Variants in FRMD4B observed in about 807,000 individuals in gnomAD.
FRMD4B encodes FERM domain containing 4B, also known as FERM domain-containing protein 4B.
In FRMD4B, 74 loss-of-function variants were observed where a neutral mutation model predicts 141.5. The observed-to-expected ratio is 0.52, with a 90% CI of 0.43 to 0.63. The LOEUF (loss-of-function observed/expected upper bound fraction) is 0.63. FRMD4B is among the 30% of genes least tolerant of loss of function. The probability of loss-of-function intolerance (pLI) is 0.00; values close to 1 mark genes in which losing one functional copy is unlikely to be tolerated. For synonymous variants in FRMD4B, 506 were observed against 467.9 expected (o/e 1.08, Z -1.05); for missense variants, 1,366 against 1,253.4 (o/e 1.09, Z -1.36).
chr3:69,529,473 G>C (rs1700982436), intron 1 of FRMD4B, among the ~76,000 whole-genome samples: 1 of 152,186 alleles, frequency 6.6e-6, no homozygotes, highest in East Asian at 1.9e-4. Flanking sequence ...ATTACCACTT[G>C]TCTGGGATCT....
intron 5 of FRMD4B, among the ~76,000 whole-genome samples, chr3:69,269,301 C>T (rs1368427347): frequency 1.3e-5 from 2 of 151,770 alleles, no homozygotes; most frequent in Non-Finnish European, 2.9e-5. Flanking sequence ...AAACAAGAAA[C>T]ATTTATTAAG....
At chr3:69,278,596 C>T (rs2093629241) in intron 5 of FRMD4B, among the ~76,000 whole-genome samples, 1 of 124,996 alleles carries the variant, frequency 8.0e-6, no homozygotes, top group Non-Finnish European at 1.7e-5. Flanking sequence ...CCCAGTGGCC[C>T]CAAATTGCTT....
intron 2 of FRMD4B, among the ~76,000 whole-genome samples, chr3:69,428,421 G>C (rs1705121987): frequency 1.3e-5 from 2 of 150,108 alleles, no homozygotes; most frequent in East Asian, 4.1e-4. Flanking sequence ...GAACTAGGAG[G>C]TACTATGATT....
chr3:69,216,788 A>G (rs1030461827), intron 10 of FRMD4B, among the ~76,000 whole-genome samples: 3 of 152,128 alleles, frequency 2.0e-5, no homozygotes, highest in Non-Finnish European at 1.5e-5. Flanking sequence ...TAAACAAAAC[A>G]TTTAAAAACC....
intron 1 of FRMD4B, among the ~76,000 whole-genome samples, chr3:69,317,317 A>T (rs2107260944): frequency 6.6e-6 from 1 of 152,302 alleles, no homozygotes; most frequent in African/African-American, 2.4e-5. Context: ...AAGCTGGGCC[A>T]ATCAGAACCT....
At chr3:69,493,867 T>A (rs1706343163) in intron 1 of FRMD4B, among the ~76,000 whole-genome samples, 1 of 152,146 alleles carries the variant, frequency 6.6e-6, no homozygotes, top group African/African-American at 2.4e-5. Flanking sequence ...TGACATATCT[T>A]GTTCATCTTG....
At chr3:69,467,906 G>C (rs1409023045) in intron 1 of FRMD4B, among the ~76,000 whole-genome samples, 2 of 152,180 alleles carry the variant, frequency 1.3e-5, no homozygotes, top group Admixed American at 1.3e-4. Flanking sequence ...GCCAGGAACT[G>C]TTGACCAATG....
At chr3:69,176,911 G>C (rs932866721) in intron 21 of FRMD4B, among the ~76,000 whole-genome samples, 4 of 152,112 alleles carry the variant, frequency 2.6e-5, no homozygotes, top group Admixed American at 6.5e-5. Context: ...GTATAGGTAT[G>C]ATGCCAGGAT....
rs555849650 is a variant in FRMD4B at position 69,211,042 on chromosome 3, A to G, written c.876+5221T>C. Among the ~76,000 whole-genome samples the G allele has an allele frequency of 5.0e-3, 723 of 145,496 alleles. 11 individuals are homozygous for G. The highest frequency in any genetic ancestry group is 0.019 in the African/African-American group (695 of 35,724). On this transcript the variant is annotated intron_variant, in intron 11 of 22. Transcript: ENST00000398540. ...CATCTCGAAAAAAAAAAAAAAAAAG[A>G]AAGAAAATTTGAGAGTGGATTCTTA...
intron 21 of FRMD4B, among the ~76,000 whole-genome samples, chr3:69,179,084 A>C (rs529472195): frequency 6.6e-6 from 1 of 152,088 alleles, no homozygotes; most frequent in African/African-American, 2.4e-5. Context: ...GTGGAGACAG[A>C]AATGAGGGGA....
At chr3:69,191,106 T>C (rs986745510) in intron 17 of FRMD4B, among the ~76,000 whole-genome samples, 1 of 152,216 alleles carries the variant, frequency 6.6e-6, no homozygotes, top group Non-Finnish European at 1.5e-5. Flanking sequence ...TAACACTCTA[T>C]TGCTGGTATC....
intron 3 of FRMD4B, chr3:69,306,806 A>T (rs1701410846): frequency 6.6e-6 from 1 of 152,238 alleles, no homozygotes; most frequent in Non-Finnish European, 1.5e-5. Flanking sequence ...CGCATGTGGC[A>T]TCTAGGCTGG....
intron 5 of FRMD4B, among the ~76,000 whole-genome samples, chr3:69,280,951 A>G (rs1330815832): frequency 1.3e-5 from 2 of 150,124 alleles, no homozygotes; most frequent in Admixed American, 1.3e-4. Flanking sequence ...TTTTTGTGAG[A>G]CAGAGTTTCA....
chr3:69,428,710 A>G (rs1040334308), intron 2 of FRMD4B, among the ~76,000 whole-genome samples: 3 of 152,144 alleles, frequency 2.0e-5, no homozygotes, highest in African/African-American at 7.2e-5. Flanking sequence ...AAAATTCATC[A>G]TTTAAACCAT....
chr3:69,304,175 C>CAA lies in FRMD4B; in HGVS notation c.324-1742_324-1741dup, dbSNP rs35528700. ...TGGACAACAGAGGGATAACTTGTCT[C>CAA]AAAAAAAAAAAAAAAAAAGGCCGGG... On this transcript the variant is annotated intron_variant, in intron 3 of 22. Transcript: ENST00000398540. 3.7e-3 allele frequency among the ~76,000 whole-genome samples: 398 copies of CAA among 106,204 alleles called. 1 individual carries two copies. The highest frequency in any genetic ancestry group is 8.5e-3 in the African/African-American group (260 of 30,558). 69.7% of individuals were successfully genotyped at this position (106,204 alleles called of 152,430 possible). A position where few individuals can be genotyped will look rare whatever the true frequency, so the allele number is the denominator to read the frequency against.
At chr3:69,222,422 G>T (rs1053095759) in intron 8 of FRMD4B, among the ~76,000 whole-genome samples, 2 of 136,368 alleles carry the variant, frequency 1.5e-5, no homozygotes, top group Non-Finnish European at 3.0e-5. Context: ...AGCCGAGATT[G>T]AGCCATTGCA....
chr3:69,303,545 A>G (rs1701288241), intron 3 of FRMD4B, among the ~76,000 whole-genome samples: 1 of 152,208 alleles, frequency 6.6e-6, no homozygotes, highest in African/African-American at 2.4e-5. Context: ...GAGGTAAAAA[A>G]CTAGGCCATA....
At chr3:69,280,583 A>C (rs1010754225) in intron 5 of FRMD4B, among the ~76,000 whole-genome samples, 3 of 152,100 alleles carry the variant, frequency 2.0e-5, no homozygotes, top group Non-Finnish European at 4.4e-5. Context: ...GGGAGTTTAA[A>C]CTCAGGATGT....
intron 1 of FRMD4B, among the ~76,000 whole-genome samples, chr3:69,343,993 G>A (rs997113720): frequency 6.6e-6 from 1 of 152,194 alleles, no homozygotes; most frequent in African/African-American, 2.4e-5. Context: ...TATAGTGGCT[G>A]CATCTTATTC....
Sources: gnomAD v4.1 joint callset for allele counts (sites outside exome capture counted in the v4.1 genomes callset) on GRCh38, gnomAD v4.1.1 for gene constraint, MANE v1.5 for transcripts, NCBI Gene and HGNC (gene_info 2026-07-23, HGNC 2026-07-21) for gene names.